The following DENND5B variants were observed in gnomAD, a reference collection of about 807,000 sequenced individuals.
DENND5B encodes the protein DENN domain containing 5B, also known as DENN domain-containing protein 5B.
A neutral mutation model predicts 140.6 loss-of-function variants in DENND5B; 34 were observed. That is an observed-to-expected ratio of 0.24 (90% confidence interval 0.18 to 0.32). The LOEUF is 0.32. Among genes scored for constraint, DENND5B ranks in the 10% least tolerant of loss-of-function variants. The pLI, the probability that DENND5B is intolerant of heterozygous loss-of-function variation, is 1.00. For missense variants in DENND5B, 1,142 were observed against 1,560.2 expected (o/e 0.73, Z 4.52); for synonymous variants, 551 against 562.1 (o/e 0.98, Z 0.28).
Position 31,387,590 on chromosome 12 carries a change from C to T in DENND5B, c.*13G>A, listed in dbSNP as rs761327499. 2.4e-5 allele frequency: 39 copies of T among 1,609,334 alleles called. No homozygotes were observed. The East Asian group carries it at 3.3e-4, about 14-fold the overall frequency. On this transcript the variant is annotated 3_prime_UTR_variant, in exon 21 of 21. Coordinates refer to ENST00000389082, the MANE Select transcript of DENND5B (RefSeq NM_144973.4). ...GGAGCAAGGTTTGGACTGAGAGTTT[C>T]TAGCCAGTTGGGTTACACATCCACT...
chr12:31,390,771 C>T (rs1565533097), intron 19 of DENND5B, among the ~76,000 whole-genome samples: 1 of 152,184 alleles, frequency 6.6e-6, no homozygotes, highest in Non-Finnish European at 1.5e-5. Context: ...CACCTGTAAT[C>T]CCAGCACCTT....
chr12:31,566,115 A>T (rs1949617623), intron 1 of DENND5B, among the ~76,000 whole-genome samples: 1 of 152,188 alleles, frequency 6.6e-6, no homozygotes, highest in Non-Finnish European at 1.5e-5. Flanking sequence ...ACTACAGTGA[A>T]GCCTGGGTGA....
chr12:31,401,022 T>A (rs930381894), intron 15 of DENND5B, among the ~76,000 whole-genome samples: 1 of 152,048 alleles, frequency 6.6e-6, no homozygotes. Flanking sequence ...TTTGTGTTTT[T>A]AGTAGAGAGG....
intron 1 of DENND5B, among the ~76,000 whole-genome samples, chr12:31,530,317 G>A (rs922981502): frequency 1.3e-5 from 2 of 152,176 alleles, no homozygotes; most frequent in East Asian, 3.9e-4. Context: ...AGGTTGCAGT[G>A]AGCCAAGATC....
intron 2 of DENND5B, among the ~76,000 whole-genome samples, chr12:31,495,220 A>C (rs1407682078): frequency 6.6e-6 from 1 of 152,174 alleles, no homozygotes; most frequent in Non-Finnish European, 1.5e-5. Context: ...AAGCTTCTAC[A>C]TATTAATACA....
At chr12:31,436,513 C>T (rs1943763308) in intron 7 of DENND5B, among the ~76,000 whole-genome samples, 1 of 152,022 alleles carries the variant, frequency 6.6e-6, no homozygotes, top group African/African-American at 2.4e-5. Context: ...GCTGATCGCT[C>T]TTTCTACTTT....
intron 7 of DENND5B, among the ~76,000 whole-genome samples, chr12:31,438,086 C>T (rs1261060097): frequency 2.0e-5 from 3 of 152,172 alleles, no homozygotes; most frequent in Admixed American, 1.3e-4. Flanking sequence ...AGTGATTCTC[C>T]TGCCTCAGCC....
At chr12:31,490,784 A>G (rs1946494929) in intron 2 of DENND5B, among the ~76,000 whole-genome samples, 1 of 152,156 alleles carries the variant, frequency 6.6e-6, no homozygotes, top group Non-Finnish European at 1.5e-5. Flanking sequence ...TTACTCTTAC[A>G]AGATAAGCAT....
rs775174450 is a variant in DENND5B at position 31,451,913 on chromosome 12, C to G, written c.1629+27G>C. On this transcript the variant is annotated intron_variant, in intron 5 of 20. Transcript: ENST00000389082. ...TCAATAATAAAGCCACTAATAACCA[C>G]AAAAGGAAAACTATGGTTCTTTTTA... The G allele has an allele frequency of 6.8e-6, 11 of 1,610,292 alleles. No individual in the cohort carries two copies. The East Asian group carries it at 2.5e-4, about 36-fold the overall frequency.
chr12:31,497,873 AG>A (rs1946836521), intron 1 of DENND5B, among the ~76,000 whole-genome samples: 2 of 31,376 alleles, frequency 6.4e-5, no homozygotes, highest in African/African-American at 1.5e-4. Flanking sequence ...GGGGAGGGGC[AG>A]TGGAGGGGGC....
At position 31,423,572 on chromosome 12, in the gene DENND5B, TAGTTCTTTACCA is replaced by T; in HGVS notation, c.2470+13_2470+24del. On this transcript the variant is annotated intron_variant, in intron 11 of 20. Coordinates refer to ENST00000389082, the MANE Select transcript of DENND5B (RefSeq NM_144973.4). ...GAGTCTTCTCAGAGTCCAGTGCTGC[TAGTTCTTTACCA>T]ATGATGTCATACCTGGTGATTCTGC... 6.2e-7 allele frequency: 1 copy of T among 1,611,692 alleles called. No individual in the cohort carries two copies. The highest frequency in any genetic ancestry group is 8.5e-7 in the Non-Finnish European group (1 of 1,178,008).
chr12:31,429,253 C>T (rs988815048), intron 8 of DENND5B, among the ~76,000 whole-genome samples: 12 of 152,220 alleles, frequency 7.9e-5, no homozygotes, highest in East Asian at 1.9e-4. Flanking sequence ...GTGATCTGCC[C>T]GCCTTGGCCT....
chr12:31,521,313 C>CTTT (rs10718996), intron 1 of DENND5B, among the ~76,000 whole-genome samples: 1 of 147,650 alleles, frequency 6.8e-6, no homozygotes. Context: ...TACAAAAAAA[C>CTTT]TTTTTTTTTT....
At chr12:31,550,453 A>C (rs376774409) in intron 1 of DENND5B, among the ~76,000 whole-genome samples, 12 of 151,942 alleles carry the variant, frequency 7.9e-5, no homozygotes, top group East Asian at 3.9e-4. Context: ...TTTTCTTAAT[A>C]CAGTCTATCG....
At chr12:31,516,207 A>C (rs1165169473) in intron 1 of DENND5B, among the ~76,000 whole-genome samples, 1 of 152,140 alleles carries the variant, frequency 6.6e-6, no homozygotes, top group Non-Finnish European at 1.5e-5. Flanking sequence ...ATGGGTGGGC[A>C]CGGTGGCTCG....
chr12:31,430,917 C>T (rs1346928464), intron 8 of DENND5B, among the ~76,000 whole-genome samples: 2 of 152,168 alleles, frequency 1.3e-5, no homozygotes, highest in Non-Finnish European at 2.9e-5. Context: ...CGGCAAAAGG[C>T]CTCTCTTCAC....
intron 7 of DENND5B, among the ~76,000 whole-genome samples, chr12:31,440,570 T>C (rs570977909): frequency 6.6e-6 from 1 of 152,350 alleles, no homozygotes; most frequent in South Asian, 2.1e-4. Flanking sequence ...TCTGAATATA[T>C]AACTTTTCCA....
At chr12:31,545,509 G>C (rs966571088) in intron 1 of DENND5B, among the ~76,000 whole-genome samples, 1 of 152,138 alleles carries the variant, frequency 6.6e-6, no homozygotes, top group African/African-American at 2.4e-5. Flanking sequence ...GGTTTTAACA[G>C]TGAAAAATTA....
At chr12:31,513,874 G>C (rs1352948344) in intron 1 of DENND5B, among the ~76,000 whole-genome samples, 2 of 148,912 alleles carry the variant, frequency 1.3e-5, no homozygotes, top group African/African-American at 5.0e-5. Flanking sequence ...GTCTCACTCT[G>C]TCACCCAGGC....
Sources: gnomAD v4.1 joint callset for allele counts (sites outside exome capture counted in the v4.1 genomes callset) on GRCh38, gnomAD v4.1.1 for gene constraint, MANE v1.5 for transcripts, NCBI Gene and HGNC (gene_info 2026-07-23, HGNC 2026-07-21) for gene names.